Variants in ATG7 observed in about 807,000 individuals in gnomAD.
ATG7 encodes ubiquitin-like modifier-activating enzyme ATG7.
In ATG7, 70 loss-of-function variants were observed where a neutral mutation model predicts 82.4. The observed-to-expected ratio is 0.85, with a 90% CI of 0.70 to 1.04. The LOEUF (loss-of-function observed/expected upper bound fraction) is 1.04, where lower values mean the gene tolerates loss of function less well. Ranked by LOEUF, ATG7 falls within the 50% of genes least tolerant of loss-of-function variation. The probability of loss-of-function intolerance (pLI) is 0.00; values close to 1 mark genes in which losing one functional copy is unlikely to be tolerated. For synonymous variants in ATG7, 287 were observed against 313.0 expected (o/e 0.92, Z 0.88); for missense variants, 792 against 864.3 (o/e 0.92, Z 1.05).
chr3:11,366,558 C>T lies in ATG7; in HGVS notation c.1875+1824C>T, dbSNP rs77903059. On this transcript the variant is annotated intron_variant, in intron 18 of 20. Transcript: ENST00000693202. Reference sequence around the variant, plus strand: ...TCATTTGAATCTTTCCCAAGTCTCCCGCCTTCTTCTGACCTTGAGATGTGC... The same window carrying T: ...TCATTTGAATCTTTCCCAAGTCTCCTGCCTTCTTCTGACCTTGAGATGTGC... 1.9e-3 allele frequency among the ~76,000 whole-genome samples: 291 copies of T among 152,308 alleles called. 1 individual carries two copies. Among genetic ancestry groups the T allele is most frequent in the African/African-American group, 6.4e-3 (267 of 41,544 alleles).
chr3:11,343,031 C>T (rs1270985549), intron 13 of ATG7, among the ~76,000 whole-genome samples: 3 of 151,990 alleles, frequency 2.0e-5, no homozygotes, highest in African/African-American at 4.8e-5. Flanking sequence ...CTGAGTTCAG[C>T]GATTCTCCTG....
At chr3:11,452,947 C>T (rs116549451) in intron 20 of ATG7, among the ~76,000 whole-genome samples, 1,695 of 152,250 alleles carry the variant, frequency 0.011, 34 homozygotes, top group African/African-American at 0.038. Flanking sequence ...TGCACGATTC[C>T]GTGGGCTGTA....
rs111232659 is a variant in ATG7, at chr3:11,480,315, G to T, written c.2079+53389G>T. Reference sequence around the variant, plus strand: ...TTTGGGAGGCTGAGGTGGGAAGATCGCTTGAGGCCAGAAGGAGTTCAAGAC... The same window carrying T: ...TTTGGGAGGCTGAGGTGGGAAGATCTCTTGAGGCCAGAAGGAGTTCAAGAC... On this transcript the variant is annotated intron_variant, in intron 20 of 20. Transcript: ENST00000693202. Among the ~76,000 whole-genome samples, 12 of 152,236 alleles carry T rather than the reference G, an allele frequency of 7.9e-5. No individual in the cohort carries two copies. The South Asian group carries it at 2.3e-3, about 29-fold the overall frequency.
the ATG7 span, among the ~76,000 whole-genome samples, chr3:11,564,565 G>C: frequency 4.0e-5 from 6 of 151,456 alleles, no homozygotes; most frequent in African/African-American, 1.5e-4. Flanking sequence ...GTGCTAAGAG[G>C]CAAGGCCCGG....
At chr3:11,298,644 T>C in intron 3 of ATG7, 42 bp from the exon 4 acceptor site, 1 of 1,566,044 alleles carries the variant, frequency 6.4e-7, no homozygotes, top group Non-Finnish European at 8.7e-7. Flanking sequence ...AGGTTTTGCA[T>C]GGATATGTTA....
At chr3:11,384,528 G>A (rs933890320) in intron 19 of ATG7, among the ~76,000 whole-genome samples, 3 of 152,208 alleles carry the variant, frequency 2.0e-5, no homozygotes, top group Admixed American at 2.0e-4. Context: ...GAGTGATAGG[G>A]TAAGGGTTAG....
At chr3:11,574,059 C>T in the ATG7 span, among the ~76,000 whole-genome samples, 1 of 152,154 alleles carries the variant, frequency 6.6e-6, no homozygotes, top group Admixed American at 6.5e-5. Flanking sequence ...CACAGACGCT[C>T]CCCACAGCCC....
intron 20 of ATG7, among the ~76,000 whole-genome samples, chr3:11,517,332 T>G (rs2092310373): frequency 7.5e-6 from 1 of 133,406 alleles, no homozygotes; most frequent in African/African-American, 3.1e-5. Context: ...AGAGCCAGAC[T>G]CCACCTCAAA....
intron 20 of ATG7, among the ~76,000 whole-genome samples, chr3:11,464,259 C>G (rs1291491102): frequency 6.6e-6 from 1 of 152,210 alleles, no homozygotes; most frequent in Non-Finnish European, 1.5e-5. Flanking sequence ...GAAGTCCCAG[C>G]TACTTGGGAG....
chr3:11,297,480 C>T (rs542572470), intron 3 of ATG7, among the ~76,000 whole-genome samples: 3 of 152,174 alleles, frequency 2.0e-5, no homozygotes, highest in African/African-American at 4.8e-5. Flanking sequence ...TTGGAGCTGC[C>T]AGATTTCTTT....
intron 9 of ATG7, among the ~76,000 whole-genome samples, chr3:11,326,216 A>G (rs569337707): frequency 3.3e-5 from 5 of 152,060 alleles, no homozygotes; most frequent in Non-Finnish European, 7.4e-5. Flanking sequence ...AGCTGTTTCA[A>G]TGTTTTGGAA....
At chr3:11,569,809 AG>A in the ATG7 span, among the ~76,000 whole-genome samples, 2 of 152,108 alleles carry the variant, frequency 1.3e-5, no homozygotes, top group Non-Finnish European at 2.9e-5. Flanking sequence ...TGGGCCCAGG[AG>A]GTGGAGGCTA....
At chr3:11,490,500 T>A (rs368191937) in intron 20 of ATG7, among the ~76,000 whole-genome samples, 1 of 152,200 alleles carries the variant, frequency 6.6e-6, no homozygotes, top group Non-Finnish European at 1.5e-5. Flanking sequence ...ATGTGTGAAT[T>A]TGATCCTGTC....
At chr3:11,409,221 A>G (rs570175759) in intron 19 of ATG7, among the ~76,000 whole-genome samples, 5 of 152,334 alleles carry the variant, frequency 3.3e-5, no homozygotes, top group Non-Finnish European at 7.4e-5. Flanking sequence ...TTTTCAATTT[A>G]CCATGGTGTG....
At chr3:11,309,160 A>G in intron 7 of ATG7, 99 bp downstream of exon 7, 1 of 1,127,406 alleles carries the variant, frequency 8.9e-7, no homozygotes, top group South Asian at 1.3e-5. Context: ...CGAAGCTACT[A>G]CCTTCTGTTA....
At chr3:11,452,413 A>G (rs1576511743) in intron 20 of ATG7, among the ~76,000 whole-genome samples, 1 of 144,624 alleles carries the variant, frequency 6.9e-6, no homozygotes, top group Non-Finnish European at 1.5e-5. Context: ...AAAAAAGGAA[A>G]TGTTCTGGAA....
the ATG7 span, among the ~76,000 whole-genome samples, chr3:11,569,774 T>TG: frequency 6.6e-5 from 10 of 152,130 alleles, 1 homozygote; most frequent in Admixed American, 6.5e-4. Flanking sequence ...CCCAGCTACT[T>TG]GGAGGCTGAA....
intron 14 of ATG7, among the ~76,000 whole-genome samples, chr3:11,353,672 G>A (rs2075730778): frequency 6.6e-6 from 1 of 152,072 alleles, no homozygotes; most frequent in South Asian, 2.1e-4. Context: ...GTGAGCGAGA[G>A]CTAGTTGTTT....
intron 19 of ATG7, among the ~76,000 whole-genome samples, chr3:11,409,832 A>G (rs2080727184): frequency 6.7e-6 from 1 of 149,756 alleles, no homozygotes; most frequent in Admixed American, 6.6e-5. Flanking sequence ...TGTTGAACAG[A>G]TTATCTTTTC....
Sources: allele counts gnomAD v4.1 joint callset (sites outside exome capture counted in the v4.1 genomes callset), GRCh38; gene constraint gnomAD v4.1.1; transcripts MANE v1.5; gene names NCBI Gene and HGNC (gene_info 2026-07-23, HGNC 2026-07-21).